The following PDGFD variants were observed in gnomAD, a reference collection of about 807,000 sequenced individuals.
PDGFD encodes the protein platelet-derived growth factor D.
Under a neutral mutation model 44.7 loss-of-function variants are expected in PDGFD, and 30 were observed. The observed-to-expected ratio is 0.67, with a 90% CI of 0.50 to 0.91. PDGFD has a LOEUF of 0.91. Among genes scored for constraint, PDGFD ranks in the 40% least tolerant of loss-of-function variants. PDGFD has a pLI of 0.00. For synonymous variants in PDGFD, 173 were observed against 168.4 expected, an observed-to-expected ratio of 1.03 and a Z score of -0.21; for missense variants, 445 against 457.8, an observed-to-expected ratio of 0.97 and a Z score of 0.25.
chr11:104,163,178 C>G (rs1862413977), intron 1 of PDGFD, among the ~76,000 whole-genome samples: 1 of 152,088 alleles, frequency 6.6e-6, no homozygotes, highest in Non-Finnish European at 1.5e-5. Flanking sequence ...ACCCCAGAAG[C>G]CTTGGTCTCC....
At chr11:103,957,439 A>G (rs1383433046) in intron 3 of PDGFD, among the ~76,000 whole-genome samples, 2 of 152,308 alleles carry the variant, frequency 1.3e-5, no homozygotes, top group East Asian at 3.9e-4. Flanking sequence ...ACAAAGCTGG[A>G]GGCATCACGC....
chr11:104,101,188 T>G (rs979185576), intron 1 of PDGFD, among the ~76,000 whole-genome samples: 6 of 152,144 alleles, frequency 3.9e-5, no homozygotes, highest in Non-Finnish European at 5.9e-5. Flanking sequence ...GACATGATTG[T>G]ATATCTAGAA....
intron 3 of PDGFD, among the ~76,000 whole-genome samples, chr11:103,955,345 A>G (rs1858827108): frequency 6.6e-6 from 1 of 152,080 alleles, no homozygotes; most frequent in South Asian, 2.1e-4. Context: ...TCCTGGGATT[A>G]CTCTACAGGG....
At chr11:104,055,383 C>T (rs759973569) in intron 1 of PDGFD, among the ~76,000 whole-genome samples, 3 of 152,080 alleles carry the variant, frequency 2.0e-5, no homozygotes, top group Admixed American at 2.0e-4. Context: ...ATGATTAAAG[C>T]GCTCTTAACT....
intron 6 of PDGFD, among the ~76,000 whole-genome samples, chr11:103,910,642 G>A (rs1422058616): frequency 6.6e-6 from 1 of 152,206 alleles, no homozygotes; most frequent in Non-Finnish European, 1.5e-5. Context: ...TGCCACCAGG[G>A]CCCTGGGTTT....
At chr11:103,972,740 A>G (rs567347641) in intron 3 of PDGFD, among the ~76,000 whole-genome samples, 4 of 152,300 alleles carry the variant, frequency 2.6e-5, no homozygotes, top group African/African-American at 7.2e-5. Flanking sequence ...TAATAAGAAA[A>G]ACATTTACCT....
chr11:104,060,140 A>G (rs879725858), intron 1 of PDGFD, among the ~76,000 whole-genome samples: 5 of 152,236 alleles, frequency 3.3e-5, no homozygotes, highest in Non-Finnish European at 4.4e-5. Context: ...TACATCAGAA[A>G]CATTCACTAT....
At position 104,116,428 on chromosome 11, in the gene PDGFD, T is replaced by G. The variant is rs144999222; in HGVS notation, c.124+47376A>C. ...ACCAGTACCACGCTGTTTTGGTGAC[T>G]ATGGCTTTATAGTATAGTTTGAAAT... On this transcript the variant is annotated intron_variant, in intron 1 of 6. Coordinates refer to ENST00000393158, the MANE Select transcript of PDGFD (RefSeq NM_025208.5). Among the ~76,000 whole-genome samples the G allele has an allele frequency of 2.1e-4, 32 of 152,194 alleles. No individual in the cohort carries two copies. The East Asian group carries it at 5.4e-3, about 26-fold the overall frequency.
chr11:103,931,648 A>G (rs1858401105), intron 5 of PDGFD, among the ~76,000 whole-genome samples: 1 of 152,022 alleles, frequency 6.6e-6, no homozygotes, highest in African/African-American at 2.4e-5. Flanking sequence ...GTGCAGTGGC[A>G]TGATTTCAGC....
intron 1 of PDGFD, among the ~76,000 whole-genome samples, chr11:104,153,294 C>G (rs1862268097): frequency 6.6e-6 from 1 of 152,184 alleles, no homozygotes; most frequent in African/African-American, 2.4e-5. Flanking sequence ...AGGACACTCA[C>G]TGGATGATTT....
chr11:104,119,111 A>ATATAATATATCGATATAAT lies in PDGFD; in HGVS notation c.124+44692_124+44693insATTATATCGATATATTATA, dbSNP rs1565340518. 3.3e-4 allele frequency among the ~76,000 whole-genome samples: 21 copies of ATATAATATATCGATATAAT among 64,122 alleles called. 4 individuals are homozygous for ATATAATATATCGATATAAT. Among genetic ancestry groups the ATATAATATATCGATATAAT allele is most frequent in the East Asian group, 1.8e-3 (3 of 1,622 alleles). The allele number at this position is 64,122 out of a possible 152,430, so 42.1% of individuals were successfully genotyped here. The stretch of plus-strand genomic sequence containing the variant: ...ATATTGATATAATATATAATATATT[A>ATATAATATATCGATATAAT]ATATAATATATTGATATAATATATA... On this transcript the variant is annotated intron_variant, in intron 1 of 6. Transcript: ENST00000393158.
At chr11:103,963,447 GT>G (rs1406792595) in intron 3 of PDGFD, among the ~76,000 whole-genome samples, 1 of 152,056 alleles carries the variant, frequency 6.6e-6, no homozygotes, top group African/African-American at 2.4e-5. Flanking sequence ...TTCTTCTCGA[GT>G]TTTTTTCCCT....
intron 5 of PDGFD, among the ~76,000 whole-genome samples, chr11:103,938,910 T>C (rs904236882): frequency 6.6e-6 from 1 of 152,132 alleles, no homozygotes; most frequent in East Asian, 1.9e-4. Flanking sequence ...TTCCATTGGT[T>C]GATATCTCTG....
At chr11:104,067,678 G>T (rs1378354966) in intron 1 of PDGFD, among the ~76,000 whole-genome samples, 1 of 152,086 alleles carries the variant, frequency 6.6e-6, no homozygotes, top group African/African-American at 2.4e-5. Flanking sequence ...GATTCAGGCA[G>T]AAAAAGATAA....
intron 1 of PDGFD, among the ~76,000 whole-genome samples, chr11:104,021,894 T>A (rs896789837): frequency 9.2e-5 from 14 of 151,910 alleles, no homozygotes; most frequent in African/African-American, 3.4e-4. Context: ...GAGGAAGGAG[T>A]ATTAATGGCC....
At chr11:104,149,147 A>T (rs1298054103) in intron 1 of PDGFD, among the ~76,000 whole-genome samples, 2 of 152,228 alleles carry the variant, frequency 1.3e-5, no homozygotes, top group Middle Eastern at 3.4e-3. Flanking sequence ...TCTGTCCTAA[A>T]CTCCAAATTT....
chr11:104,158,173 A>G (rs1384116930), intron 1 of PDGFD, among the ~76,000 whole-genome samples: 4 of 152,182 alleles, frequency 2.6e-5, no homozygotes. Flanking sequence ...TTAGAACTTC[A>G]CACTTAAATT....
intron 6 of PDGFD, among the ~76,000 whole-genome samples, chr11:103,911,206 A>G (rs1032446545): frequency 2.6e-5 from 4 of 152,076 alleles, no homozygotes; most frequent in African/African-American, 7.2e-5. Context: ...AGAGCAGCGG[A>G]TCTCCCAGCA....
chr11:104,032,958 T>G (rs1860152437), intron 1 of PDGFD, among the ~76,000 whole-genome samples: 1 of 151,994 alleles, frequency 6.6e-6, no homozygotes, highest in Non-Finnish European at 1.5e-5. Flanking sequence ...CCTCAGTTAC[T>G]TAGATTTACA....
Sources: allele counts gnomAD v4.1 joint callset (sites outside exome capture counted in the v4.1 genomes callset), GRCh38; gene constraint gnomAD v4.1.1; transcripts MANE v1.5; gene names NCBI Gene and HGNC (gene_info 2026-07-23, HGNC 2026-07-21).